Variants in WDR70 observed in about 807,000 individuals in gnomAD.
WDR70 encodes the protein WD repeat domain 70, also known as WD repeat-containing protein 70.
A neutral mutation model predicts 88.6 loss-of-function variants in WDR70; 53 were observed. The observed-to-expected ratio is 0.60, with a 90% CI of 0.48 to 0.75. The LOEUF (loss-of-function observed/expected upper bound fraction) is 0.75. WDR70 is among the 30% of genes least tolerant of loss of function. The pLI, the probability that WDR70 is intolerant of heterozygous loss-of-function variation, is 0.00. For synonymous variants in WDR70, 280 were observed against 270.0 expected (o/e 1.04, Z -0.36); for missense variants, 610 against 823.2 (o/e 0.74, Z 3.17).
intron 9 of WDR70, among the ~76,000 whole-genome samples, chr5:37,535,095 T>A (rs547234577): frequency 6.6e-6 from 1 of 152,118 alleles, no homozygotes; most frequent in Non-Finnish European, 1.5e-5. Flanking sequence ...AAGGTACAGC[T>A]AGTAATAAAT....
intron 9 of WDR70, among the ~76,000 whole-genome samples, chr5:37,542,499 C>T (rs544602855): frequency 2.4e-4 from 37 of 152,046 alleles, no homozygotes; most frequent in African/African-American, 8.9e-4. Flanking sequence ...GTCAGGCTGG[C>T]CTCTGACTCC....
At chr5:37,428,044 C>T (rs1750189935) in intron 5 of WDR70, among the ~76,000 whole-genome samples, 1 of 150,036 alleles carries the variant, frequency 6.7e-6, no homozygotes, top group East Asian at 2.0e-4. Flanking sequence ...GAAACCACAG[C>T]AGCCTTTTGG....
chr5:37,571,047 C>T (rs909969047), intron 9 of WDR70, among the ~76,000 whole-genome samples: 1 of 151,924 alleles, frequency 6.6e-6, no homozygotes, highest in East Asian at 1.9e-4. Context: ...TTGTGTTACT[C>T]ATCTTTTTAT....
At chr5:37,457,584 T>C (rs1738882306) in intron 7 of WDR70, among the ~76,000 whole-genome samples, 1 of 152,222 alleles carries the variant, frequency 6.6e-6, no homozygotes, top group African/African-American at 2.4e-5. Flanking sequence ...CTGACACATA[T>C]ATCCACATAT....
At chr5:37,609,416 A>G (rs1021616176) in intron 10 of WDR70, among the ~76,000 whole-genome samples, 1 of 152,218 alleles carries the variant, frequency 6.6e-6, no homozygotes, top group African/African-American at 2.4e-5. Context: ...GTTCTTTAAT[A>G]TCTATCAGGA....
At chr5:37,419,435 A>T (rs1210430431) in intron 5 of WDR70, among the ~76,000 whole-genome samples, 1 of 149,666 alleles carries the variant, frequency 6.7e-6, no homozygotes, top group Admixed American at 6.6e-5. Flanking sequence ...TGAACTCCTG[A>T]CCTGGTGATC....
chr5:37,497,278 C>T (rs1740250277), intron 8 of WDR70, among the ~76,000 whole-genome samples: 2 of 140,156 alleles, frequency 1.4e-5, no homozygotes, highest in South Asian at 5.4e-4. Flanking sequence ...CCTCCCTTTT[C>T]CCTCCCTTTT....
intron 5 of WDR70, among the ~76,000 whole-genome samples, chr5:37,419,212 CTT>C (rs552848123): frequency 1.4e-5 from 2 of 144,814 alleles, no homozygotes. Context: ...TAAAGTGTTT[CTT>C]TTTTTTTTTT....
chr5:37,622,419 GC>G (rs1379191742), intron 10 of WDR70, among the ~76,000 whole-genome samples: 2 of 151,742 alleles, frequency 1.3e-5, no homozygotes, highest in Admixed American at 1.3e-4. Context: ...TATAAATCAT[GC>G]TGCTATAAAG....
intron 9 of WDR70, among the ~76,000 whole-genome samples, chr5:37,576,466 T>C (rs1157427370): frequency 2.0e-5 from 3 of 152,188 alleles, no homozygotes; most frequent in South Asian, 2.1e-4. Flanking sequence ...TTTTGTTATA[T>C]ACTTGTATTT....
chr5:37,622,668 A>G (rs1227618722), intron 10 of WDR70, among the ~76,000 whole-genome samples: 3 of 151,618 alleles, frequency 2.0e-5, no homozygotes, highest in Non-Finnish European at 2.9e-5. Context: ...GCATGTTCTC[A>G]CTCATAGGTG....
At chr5:37,400,901 A>G (rs1749170010) in intron 5 of WDR70, among the ~76,000 whole-genome samples, 1 of 152,198 alleles carries the variant, frequency 6.6e-6, no homozygotes, top group African/African-American at 2.4e-5. Flanking sequence ...TTTTCTTACT[A>G]GGAGAAAGTA....
intron 10 of WDR70, among the ~76,000 whole-genome samples, chr5:37,608,575 A>G (rs946219798): frequency 1.3e-5 from 2 of 148,432 alleles, no homozygotes; most frequent in African/African-American, 5.0e-5. Flanking sequence ...TTAACTTTTG[A>G]GACAAGTTCT....
In WDR70 at chr5:37,382,889, T is replaced by C. The variant is rs369811258; in HGVS notation, c.175+1204T>C. ...CTATCTGGGTGTGGTGTTGGGCCCC[T>C]GTAATCCCAGCTAGTAGGGAGGGTG... On this transcript the variant is annotated intron_variant, in intron 3 of 17. Coordinates refer to ENST00000265107, the MANE Select transcript of WDR70 (RefSeq NM_018034.4). 5.3e-4 allele frequency among the ~76,000 whole-genome samples: 80 copies of C among 152,080 alleles called. 1 individual carries two copies. Among genetic ancestry groups the C allele is most frequent in the Admixed American group, 4.1e-3 (63 of 15,262 alleles).
At chr5:37,454,838 T>C (rs1338593607) in intron 7 of WDR70, among the ~76,000 whole-genome samples, 1 of 152,246 alleles carries the variant, frequency 6.6e-6, no homozygotes, top group Non-Finnish European at 1.5e-5. Flanking sequence ...GCATGGATTC[T>C]GACTCATAAA....
intron 10 of WDR70, among the ~76,000 whole-genome samples, chr5:37,606,916 C>T (rs1744047286): frequency 1.3e-5 from 1 of 74,620 alleles, no homozygotes; most frequent in Admixed American, 1.4e-4. Flanking sequence ...CCCTCCCCTC[C>T]CCTCCCATCC....
At chr5:37,625,344 AT>A (rs1325716053) in intron 10 of WDR70, among the ~76,000 whole-genome samples, 1 of 151,344 alleles carries the variant, frequency 6.6e-6, no homozygotes, top group Non-Finnish European at 1.5e-5. Flanking sequence ...ATTTGTTATT[AT>A]TTTTTTCTTT....
chr5:37,509,185 T>G lies in WDR70; in HGVS notation c.841-7329T>G, dbSNP rs536729455. On this transcript the variant is annotated intron_variant, in intron 8 of 17. Coordinates refer to ENST00000265107, the MANE Select transcript of WDR70 (RefSeq NM_018034.4). Reference sequence around the variant, plus strand: ...TTATTTTCTCCTACTTGCCTTCTTTTTCTAATATTTTAAGATGGATGCTTT... The same window carrying G: ...TTATTTTCTCCTACTTGCCTTCTTTGTCTAATATTTTAAGATGGATGCTTT... 2.0e-4 allele frequency among the ~76,000 whole-genome samples: 31 copies of G among 152,240 alleles called. No homozygotes were observed. In the South Asian group the frequency reaches 6.0e-3, roughly 29 times the overall value.
At chr5:37,432,449 C>T (rs528951046) in intron 5 of WDR70, among the ~76,000 whole-genome samples, 11 of 152,260 alleles carry the variant, frequency 7.2e-5, no homozygotes, top group East Asian at 1.9e-4. Flanking sequence ...AGTGCAGTGG[C>T]GTGATCTCGG....
Sources: allele counts gnomAD v4.1 joint callset (sites outside exome capture counted in the v4.1 genomes callset), GRCh38; gene constraint gnomAD v4.1.1; transcripts MANE v1.5; gene names NCBI Gene and HGNC (gene_info 2026-07-23, HGNC 2026-07-21).